The following CBLN2 variants were observed in gnomAD, a reference collection of about 807,000 sequenced individuals.
CBLN2 encodes the protein cerebellin 2 precursor.
Under a neutral mutation model 15.0 loss-of-function variants are expected in CBLN2, and 7 were observed. The observed-to-expected ratio is 0.47, with a 90% CI of 0.27 to 0.88. The LOEUF is 0.88. Ranked by LOEUF, CBLN2 falls within the 40% of genes least tolerant of loss-of-function variation. The pLI is 0.14. For synonymous variants in CBLN2, 149 were observed against 135.2 expected (o/e 1.10, Z -0.71); for missense variants, 242 against 304.5 (o/e 0.79, Z 1.53).
At chr18:72,540,338 C>T (rs1183263943) in intron 3 of CBLN2, 2 of 152,174 alleles carry the variant, frequency 1.3e-5, no homozygotes, top group Admixed American at 6.5e-5. Flanking sequence ...GACCTCAGCT[C>T]CTCATTAACT....
intron 1 of CBLN2, among the ~76,000 whole-genome samples, chr18:72,610,098 C>T (rs1459621255): frequency 2.0e-5 from 3 of 152,196 alleles, no homozygotes; most frequent in South Asian, 2.1e-4. Context: ...CTCTTCCCAC[C>T]ATGACCATCC....
intron 1 of CBLN2, among the ~76,000 whole-genome samples, chr18:72,558,277 A>T (rs2069239036): frequency 6.6e-6 from 1 of 152,000 alleles, no homozygotes; most frequent in Non-Finnish European, 1.5e-5. Flanking sequence ...ATCTCTGGAC[A>T]CTCTGGGTTT....
chr18:72,579,339 AT>A (rs1256259360), intron 1 of CBLN2, among the ~76,000 whole-genome samples: 2 of 152,238 alleles, frequency 1.3e-5, no homozygotes, highest in African/African-American at 4.8e-5. Context: ...TATTTGCTTG[AT>A]TTAATGCTTT....
At chr18:72,590,942 T>C (rs1309381873) in intron 1 of CBLN2, among the ~76,000 whole-genome samples, 1 of 152,256 alleles carries the variant, frequency 6.6e-6, no homozygotes, top group Non-Finnish European at 1.5e-5. Flanking sequence ...ATTTCTCCAA[T>C]GACATTGCTT....
At position 72,542,227 on chromosome 18, in the gene CBLN2, C is replaced by A; in HGVS notation, c.-67G>T. The A allele has an allele frequency of 9.4e-7, 1 of 1,068,112 alleles. No homozygotes were observed. The highest frequency in any genetic ancestry group is 1.2e-6 in the Non-Finnish European group (1 of 859,168). 66.2% of individuals were successfully genotyped at this position (1,068,112 alleles called of 1,614,324 possible). A position where few individuals can be genotyped will look rare whatever the true frequency, so the allele number is the denominator to read the frequency against. ...CCGGCGCGAGCGGCGCGGAAGGGCG[C>A]GAAGGAACGCGCGGAGCTCGCAGCA... On this transcript the variant is annotated 5_prime_UTR_variant, in exon 3 of 5. Coordinates refer to ENST00000269503, the MANE Select transcript of CBLN2 (RefSeq NM_182511.4).
intron 1 of CBLN2, among the ~76,000 whole-genome samples, chr18:72,570,728 A>G (rs1335039890): frequency 6.6e-6 from 1 of 152,172 alleles, no homozygotes; most frequent in Non-Finnish European, 1.5e-5. Context: ...CATGAAACTC[A>G]TGACACAAAG....
chr18:72,633,425 C>T (rs367708486), intron 1 of CBLN2, among the ~76,000 whole-genome samples: 3 of 152,110 alleles, frequency 2.0e-5, no homozygotes, highest in Admixed American at 6.6e-5. Flanking sequence ...AGAAATGCTC[C>T]GTTTTAGTTG....
intron 1 of CBLN2, among the ~76,000 whole-genome samples, chr18:72,589,870 C>T (rs992074193): frequency 6.6e-6 from 1 of 152,214 alleles, no homozygotes; most frequent in Non-Finnish European, 1.5e-5. Flanking sequence ...CAGTGGCTCA[C>T]GCCTATAATC....
intron 1 of CBLN2, among the ~76,000 whole-genome samples, chr18:72,586,446 G>A (rs1245738646): frequency 6.6e-6 from 1 of 152,178 alleles, no homozygotes; most frequent in African/African-American, 2.4e-5. Context: ...GGAACCAAGA[G>A]GTCTGCTGAG....
At chr18:72,591,939 G>A (rs1282045681) in intron 1 of CBLN2, among the ~76,000 whole-genome samples, 1 of 152,134 alleles carries the variant, frequency 6.6e-6, no homozygotes, top group African/African-American at 2.4e-5. Flanking sequence ...TGTCTATTGT[G>A]AATAGTGCTG....
intron 1 of CBLN2, among the ~76,000 whole-genome samples, chr18:72,576,438 A>G (rs1249592016): frequency 2.0e-5 from 3 of 152,248 alleles, no homozygotes; most frequent in Non-Finnish European, 4.4e-5. Context: ...CGGTTATATC[A>G]TAATGAAAAC....
intron 1 of CBLN2, among the ~76,000 whole-genome samples, chr18:72,553,458 TGATAGATAGATAGATA>T (rs5826203): frequency 3.4e-4 from 50 of 148,914 alleles, no homozygotes; most frequent in African/African-American, 7.0e-4. Context: ...TAACAATTTG[TGATAGATAGATAGATA>T]GATAGATAGA....
At chr18:72,592,845 C>A (rs891346727) in intron 1 of CBLN2, among the ~76,000 whole-genome samples, 1 of 152,044 alleles carries the variant, frequency 6.6e-6, no homozygotes, top group Non-Finnish European at 1.5e-5. Context: ...TTCTATTGGT[C>A]TTTGTACCTT....
At chr18:72,633,314 G>A (rs753787427) in intron 1 of CBLN2, among the ~76,000 whole-genome samples, 5 of 152,250 alleles carry the variant, frequency 3.3e-5, no homozygotes, top group Admixed American at 1.3e-4. Context: ...GCATGTCTAC[G>A]TTTATAGGAT....
intron 1 of CBLN2, among the ~76,000 whole-genome samples, chr18:72,565,303 G>T (rs2069287346): frequency 1.3e-5 from 2 of 151,926 alleles, no homozygotes; most frequent in Non-Finnish European, 2.9e-5. Context: ...TACCATTACA[G>T]TATTTAATAT....
intron 1 of CBLN2, among the ~76,000 whole-genome samples, chr18:72,566,529 T>C (rs1177999217): frequency 6.6e-6 from 1 of 152,084 alleles, no homozygotes; most frequent in East Asian, 1.9e-4. Context: ...CTAGAAGACA[T>C]TATGTTAAGT....
intron 1 of CBLN2, among the ~76,000 whole-genome samples, chr18:72,557,727 G>A (rs2069235355): frequency 6.6e-6 from 1 of 152,092 alleles, no homozygotes; most frequent in Admixed American, 6.5e-5. Flanking sequence ...ACACAGGGAG[G>A]GGGAAGAATA....
chr18:72,564,757 T>C (rs1246982744), intron 1 of CBLN2, among the ~76,000 whole-genome samples: 1 of 152,124 alleles, frequency 6.6e-6, no homozygotes, highest in East Asian at 1.9e-4. Context: ...GCTAAAAACT[T>C]CCCAAGTTTT....
intron 1 of CBLN2, among the ~76,000 whole-genome samples, chr18:72,566,579 A>T (rs2069296497): frequency 6.6e-6 from 1 of 152,160 alleles, no homozygotes; most frequent in Non-Finnish European, 1.5e-5. Context: ...GCGTGTTGTC[A>T]CTCATGTATG....
Sources: gnomAD v4.1 joint callset for allele counts (sites outside exome capture counted in the v4.1 genomes callset) on GRCh38, gnomAD v4.1.1 for gene constraint, MANE v1.5 for transcripts, NCBI Gene and HGNC (gene_info 2026-07-23, HGNC 2026-07-21) for gene names.